Variants in MAPRE3 observed in about 807,000 individuals in gnomAD.
MAPRE3 encodes the protein microtubule associated protein RP/EB family member 3, also known as microtubule-associated protein RP/EB family member 3.
A neutral mutation model predicts 30.5 loss-of-function variants in MAPRE3; 2 were observed. The ratio of observed to expected loss-of-function variants is 0.07; its 90% CI spans 0.03 to 0.21. The LOEUF is 0.21. Among genes scored for constraint, MAPRE3 ranks in the 10% least tolerant of loss-of-function variants. The pLI, the probability that MAPRE3 is intolerant of heterozygous loss-of-function variation, is 1.00. For synonymous variants in MAPRE3, 110 were observed against 127.7 expected, an observed-to-expected ratio of 0.86 and a Z score of 0.93; for missense variants, 204 against 351.8, an observed-to-expected ratio of 0.58 and a Z score of 3.36.
At chr2:26,988,307 T>C (rs1014860342) in intron 1 of MAPRE3, among the ~76,000 whole-genome samples, 6 of 152,230 alleles carry the variant, frequency 3.9e-5, no homozygotes, top group Non-Finnish European at 2.9e-5. Context: ...TCTGTCCTAG[T>C]CTCTAGCTTG....
intron 1 of MAPRE3, among the ~76,000 whole-genome samples, chr2:27,020,509 TAGC>T (rs1435312818): frequency 6.6e-6 from 1 of 152,162 alleles, no homozygotes; most frequent in Non-Finnish European, 1.5e-5. Flanking sequence ...GCAAGTCAGT[TAGC>T]AGCAGCAGCT....
In MAPRE3 at chr2:27,026,586, C is replaced by T. The variant is rs1667250495; in HGVS notation, c.*238C>T. On this transcript the variant is annotated 3_prime_UTR_variant, in exon 7 of 7. Transcript: ENST00000233121. ...TGTCCACACCCACCCTATTTATTTC[C>T]GTTGTCTCTCTGCTGTGTCGCCCAA... 1.1e-5 allele frequency: 5 copies of T among 467,686 alleles called. No individual in the cohort carries two copies. Among genetic ancestry groups the T allele is most frequent in the South Asian group, 7.6e-5 (2 of 26,196 alleles). The allele number at this position is 467,686 out of a possible 1,614,324, so 29.0% of individuals were successfully genotyped here.
chr2:26,974,681 T>C (rs954014362), intron 1 of MAPRE3, among the ~76,000 whole-genome samples: 1 of 152,208 alleles, frequency 6.6e-6, no homozygotes, highest in African/African-American at 2.4e-5. Context: ...CAGATCCCCA[T>C]CCAGCCATCT....
At chr2:27,011,111 T>A (rs778582919) in intron 1 of MAPRE3, among the ~76,000 whole-genome samples, 2 of 152,214 alleles carry the variant, frequency 1.3e-5, no homozygotes, top group Non-Finnish European at 2.9e-5. Context: ...CCTCCTCTAT[T>A]TTCATCGCGT....
chr2:27,022,963 C>G (rs1286610046), intron 2 of MAPRE3: 1 of 181,570 alleles, frequency 5.5e-6, no homozygotes, highest in Admixed American at 5.4e-5. Flanking sequence ...CTGACCACAC[C>G]TCTCTGGGTC....
chr2:27,020,394 C>T (rs529770087), intron 1 of MAPRE3, among the ~76,000 whole-genome samples: 1 of 152,336 alleles, frequency 6.6e-6, no homozygotes, highest in African/African-American at 2.4e-5. Context: ...ACTCCAGAAA[C>T]ACATGTCCTC....
intron 4 of MAPRE3, 99 bp downstream of exon 4, chr2:27,024,396 TGGA>T (rs771086567): frequency 3.7e-6 from 4 of 1,094,552 alleles, no homozygotes; most frequent in South Asian, 1.6e-5. Context: ...CCTGCCAGCC[TGGA>T]GGAGACTTGT....
chr2:27,020,376 C>T (rs189249093), intron 1 of MAPRE3, among the ~76,000 whole-genome samples: 57 of 152,324 alleles, frequency 3.7e-4, no homozygotes, highest in African/African-American at 1.3e-3. Flanking sequence ...AAGAAATATT[C>T]TTCACTCACT....
intron 1 of MAPRE3, among the ~76,000 whole-genome samples, chr2:26,987,680 G>A (rs987737596): frequency 1.3e-5 from 2 of 152,044 alleles, no homozygotes; most frequent in African/African-American, 4.8e-5. Flanking sequence ...TCTAGGGGTT[G>A]AATACAAAGT....
chr2:26,983,759 G>T (rs1666164734), intron 1 of MAPRE3, among the ~76,000 whole-genome samples: 1 of 152,184 alleles, frequency 6.6e-6, no homozygotes, highest in Non-Finnish European at 1.5e-5. Flanking sequence ...TTAGCTAAAA[G>T]ATCTTATATA....
intron 1 of MAPRE3, among the ~76,000 whole-genome samples, chr2:27,001,439 G>C (rs1666592596): frequency 6.6e-6 from 1 of 152,160 alleles, no homozygotes; most frequent in Admixed American, 6.5e-5. Context: ...CCAGGAGTTA[G>C]AGACAGCAGT....
intron 1 of MAPRE3, among the ~76,000 whole-genome samples, chr2:26,982,629 C>G (rs1287209016): frequency 6.6e-6 from 1 of 152,238 alleles, no homozygotes; most frequent in Non-Finnish European, 1.5e-5. Flanking sequence ...CCTCCTGCCA[C>G]TGTTCTTTTC....
At position 27,026,485 on chromosome 2, in the gene MAPRE3, G is replaced by C. The variant is rs1667247576; in HGVS notation, c.*137G>C. The C allele has an allele frequency of 5.7e-6, 4 of 701,826 alleles. No homozygotes were observed. Among genetic ancestry groups the C allele is most frequent in the South Asian group, 4.0e-5 (2 of 49,606 alleles). 43.5% of individuals were successfully genotyped at this position (701,826 alleles called of 1,614,324 possible). A position where few individuals can be genotyped will look rare whatever the true frequency, so the allele number is the denominator to read the frequency against. On this transcript the variant is annotated 3_prime_UTR_variant, in exon 7 of 7. Transcript: ENST00000233121. The stretch of plus-strand genomic sequence containing the variant: ...CTGCAGCACTGGGGAGCCAGGCGAG[G>C]GGGGCTTGGGGGCATGGGGCCGGAA...
chr2:26,996,245 C>T (rs112971309), intron 1 of MAPRE3, among the ~76,000 whole-genome samples: 5 of 151,730 alleles, frequency 3.3e-5, no homozygotes, highest in South Asian at 2.1e-4. Flanking sequence ...CTGGATCTCC[C>T]GGGCTCCAGC....
intron 1 of MAPRE3, among the ~76,000 whole-genome samples, chr2:27,004,537 G>A (rs913289373): frequency 6.6e-6 from 1 of 152,026 alleles, no homozygotes; most frequent in East Asian, 1.9e-4. Context: ...TTTCCACGTC[G>A]AAATACATTT....
chr2:26,974,859 G>A (rs1665986527), intron 1 of MAPRE3, among the ~76,000 whole-genome samples: 1 of 152,180 alleles, frequency 6.6e-6, no homozygotes, highest in Admixed American at 6.5e-5. Context: ...ATTTTATATT[G>A]ACTAAAGCAT....
Position 27,026,525 on chromosome 2 carries a change from C to T in MAPRE3, c.*177C>T, listed in dbSNP as rs1165713959. ...TGGGGCCGGAAAGCAGGCAGAAGCCCGTCCTGGGTGGTGCTGGCCCAGTTG... is the reference window on the plus strand; with the variant it reads ...TGGGGCCGGAAAGCAGGCAGAAGCCTGTCCTGGGTGGTGCTGGCCCAGTTG... On this transcript the variant is annotated 3_prime_UTR_variant, in exon 7 of 7. Transcript: ENST00000233121. 7 of 567,052 alleles carry T rather than the reference C, an allele frequency of 1.2e-5. No individual in the cohort carries two copies. Among genetic ancestry groups the T allele is most frequent in the East Asian group, 6.2e-5 (2 of 32,350 alleles). 35.1% of individuals were successfully genotyped at this position (567,052 alleles called of 1,614,324 possible). A position where few individuals can be genotyped will look rare whatever the true frequency, so the allele number is the denominator to read the frequency against.
intron 1 of MAPRE3, among the ~76,000 whole-genome samples, chr2:26,973,685 A>T (rs995661607): frequency 2.6e-5 from 4 of 151,382 alleles, no homozygotes; most frequent in African/African-American, 9.7e-5. Context: ...CCTCCCGAGT[A>T]GCTGGGACTA....
rs867334873 is a variant in MAPRE3, at chr2:26,990,656, A to T, written c.-8+19854A>T. Among the ~76,000 whole-genome samples the T allele has an allele frequency of 2.6e-5, 4 of 152,238 alleles. No homozygotes were observed. The South Asian group carries it at 8.3e-4, about 31-fold the overall frequency. On this transcript the variant is annotated intron_variant, in intron 1 of 6. Transcript: ENST00000233121. ...ATATAGAAAGGTCTGAGGAATATAC[A>T]TACCTGGTAACAGGAAACTTTTAAA...
Sources: gnomAD v4.1 joint callset for allele counts (sites outside exome capture counted in the v4.1 genomes callset) on GRCh38, gnomAD v4.1.1 for gene constraint, MANE v1.5 for transcripts, NCBI Gene and HGNC (gene_info 2026-07-23, HGNC 2026-07-21) for gene names.